PCBD2: variants seen among roughly 807,000 people sequenced by gnomAD.
The protein encoded by PCBD2 is pterin-4-alpha-carbinolamine dehydratase 2.
PCBD2 carries 12 observed loss-of-function variants against 16.4 expected under a neutral mutation model. The ratio of observed to expected loss-of-function variants is 0.73; its 90% CI spans 0.47 to 1.19. The LOEUF is 1.19. Ranked by LOEUF, PCBD2 falls within the 50% of genes most tolerant of loss-of-function variation. The probability of loss-of-function intolerance (pLI) is 0.00; values close to 1 mark genes in which losing one functional copy is unlikely to be tolerated. For synonymous variants in PCBD2, 58 were observed against 61.8 expected (o/e 0.94, Z 0.29); for missense variants, 138 against 156.8 (o/e 0.88, Z 0.64).
chr5:134,906,974 C>T (rs1750699158), intron 1 of PCBD2, among the ~76,000 whole-genome samples: 1 of 152,216 alleles, frequency 6.6e-6, no homozygotes, highest in Non-Finnish European at 1.5e-5. Flanking sequence ...GATGAAGTGG[C>T]TCCATTTCCC....
chr5:134,955,418 C>T (rs528472553), intron 2 of PCBD2, among the ~76,000 whole-genome samples: 3 of 151,710 alleles, frequency 2.0e-5, no homozygotes, highest in Non-Finnish European at 4.4e-5. Flanking sequence ...AGTGATTCTC[C>T]TGCCTCAACC....
chr5:134,932,636 T>G (rs1438292229), intron 2 of PCBD2, among the ~76,000 whole-genome samples: 1 of 151,980 alleles, frequency 6.6e-6, no homozygotes, highest in African/African-American at 2.4e-5. Context: ...TGCCCACCCC[T>G]GGCAAATTTT....
At chr5:134,907,291 C>G (rs1183465465) in intron 1 of PCBD2, among the ~76,000 whole-genome samples, 1 of 152,258 alleles carries the variant, frequency 6.6e-6, no homozygotes, top group African/African-American at 2.4e-5. Flanking sequence ...GTTGCCCAGA[C>G]TGGAGTGCAG....
chr5:134,913,518 A>G (rs760685256), intron 2 of PCBD2, among the ~76,000 whole-genome samples: 14 of 152,188 alleles, frequency 9.2e-5, no homozygotes, highest in Admixed American at 3.3e-4. Flanking sequence ...GACGAGGGGA[A>G]GGGTCAGAGC....
At chr5:134,930,450 G>C (rs1390345264) in intron 2 of PCBD2, among the ~76,000 whole-genome samples, 3 of 152,192 alleles carry the variant, frequency 2.0e-5, no homozygotes, top group Non-Finnish European at 4.4e-5. Flanking sequence ...CTTACTCCTA[G>C]ATATCGATGA....
At chr5:134,923,544 G>C in intron 2 of PCBD2, 1 of 312,616 alleles carries the variant, frequency 3.2e-6, no homozygotes, top group Non-Finnish European at 5.8e-6. Context: ...ACTATCTACT[G>C]AGTAGCCTCC....
chr5:134,940,386 A>G (rs914888949), intron 2 of PCBD2, among the ~76,000 whole-genome samples: 1 of 151,070 alleles, frequency 6.6e-6, no homozygotes, highest in South Asian at 2.1e-4. Flanking sequence ...ACCCCAGTTT[A>G]TTTCTGACCT....
intron 1 of PCBD2, among the ~76,000 whole-genome samples, chr5:134,907,763 C>T (rs923287115): frequency 6.7e-6 from 1 of 149,692 alleles, no homozygotes; most frequent in Non-Finnish European, 1.5e-5. Context: ...GCAGGGACTA[C>T]AGGCGCCTGC....
chr5:134,907,854 C>T (rs1750715899), intron 1 of PCBD2, among the ~76,000 whole-genome samples: 1 of 151,270 alleles, frequency 6.6e-6, no homozygotes, highest in Non-Finnish European at 1.5e-5. Flanking sequence ...GAACTCCTGC[C>T]CTCGTGATCC....
rs1264020700 is a variant in PCBD2 at position 134,923,897 on chromosome 5, T to A, written c.216+13431T>A. 25 of 394,582 alleles carry A rather than the reference T, an allele frequency of 6.3e-5. No homozygotes were observed. The East Asian group carries it at 9.0e-4, about 14-fold the overall frequency. The allele number at this position is 394,582 out of a possible 1,614,324, so 24.4% of individuals were successfully genotyped here. A position where few individuals can be genotyped will look rare whatever the true frequency, so the allele number is the denominator to read the frequency against. On this transcript the variant is annotated intron_variant, in intron 2 of 3. Transcript: ENST00000254908. ...AAGCGTCTGGTGAGTAGTGTATGGCTAGGAATAGTCCTGTGGTGATTTGGA... is the reference window on the plus strand; with the variant it reads ...AAGCGTCTGGTGAGTAGTGTATGGCAAGGAATAGTCCTGTGGTGATTTGGA...
chr5:134,923,594 G>A (rs904207975), intron 2 of PCBD2: 9 of 343,504 alleles, frequency 2.6e-5, no homozygotes, highest in Non-Finnish European at 4.7e-5. Flanking sequence ...TGTATGGGAC[G>A]GCGGATAGCA....
At chr5:134,942,130 C>CA (rs397882223) in intron 2 of PCBD2, among the ~76,000 whole-genome samples, 45,495 of 82,042 alleles carry the variant, frequency 0.55, 12,049 homozygotes, top group East Asian at 0.75. Flanking sequence ...GGCTCTGTCT[C>CA]AAAAAAAAAA....
chr5:134,944,657 A>G (rs1751270464), intron 2 of PCBD2, among the ~76,000 whole-genome samples: 1 of 152,180 alleles, frequency 6.6e-6, no homozygotes, highest in African/African-American at 2.4e-5. Flanking sequence ...TGAGGGTGGA[A>G]TTCTTGGACT....
At chr5:134,913,096 A>T (rs201455070) in intron 2 of PCBD2, among the ~76,000 whole-genome samples, 98 of 152,348 alleles carry the variant, frequency 6.4e-4, no homozygotes, top group Non-Finnish European at 9.7e-4. Flanking sequence ...ATTTAAAAAA[A>T]TTTTTTAAAT....
chr5:134,914,417 G>T (rs990548096), intron 2 of PCBD2, among the ~76,000 whole-genome samples: 1 of 152,092 alleles, frequency 6.6e-6, no homozygotes, highest in Non-Finnish European at 1.5e-5. Context: ...ACAGATTTGG[G>T]GTCAAACATT....
rs540063287 is a variant in PCBD2 at position 134,955,649 on chromosome 5, A to G, written c.217-3391A>G. On this transcript the variant is annotated intron_variant, in intron 2 of 3. Coordinates refer to ENST00000254908, the MANE Select transcript of PCBD2 (RefSeq NM_032151.5). ...TTAGATCTCCTTTGTTTGTCCTTAC[A>G]TTTATTCTTTTCTAGTTCTTCTAAA... 4.6e-5 allele frequency among the ~76,000 whole-genome samples: 7 copies of G among 152,170 alleles called. No individual in the cohort carries two copies. In the South Asian group the frequency reaches 1.5e-3, roughly 32 times the overall value.
At chr5:134,935,103 TA>T (rs1751143897) in intron 2 of PCBD2, among the ~76,000 whole-genome samples, 1 of 152,242 alleles carries the variant, frequency 6.6e-6, no homozygotes, top group South Asian at 2.1e-4. Flanking sequence ...GTGACAAATT[TA>T]GTCCTTTCGT....
chr5:134,937,499 T>C (rs1175375226), intron 2 of PCBD2, among the ~76,000 whole-genome samples: 1 of 152,212 alleles, frequency 6.6e-6, no homozygotes, highest in Non-Finnish European at 1.5e-5. Context: ...AAGAAGAAAG[T>C]TACAATACAT....
intron 2 of PCBD2, among the ~76,000 whole-genome samples, chr5:134,947,371 C>T (rs1159306515): frequency 6.7e-6 from 1 of 150,226 alleles, no homozygotes; most frequent in African/African-American, 2.5e-5. Context: ...GGGGTTACAG[C>T]CATCGCGCCC....
Sources: allele counts gnomAD v4.1 joint callset (sites outside exome capture counted in the v4.1 genomes callset), GRCh38; gene constraint gnomAD v4.1.1; transcripts MANE v1.5; gene names NCBI Gene and HGNC (gene_info 2026-07-23, HGNC 2026-07-21).